The following CDH13 variants were observed in gnomAD, a reference collection of about 807,000 sequenced individuals.
The protein encoded by CDH13 is cadherin-13.
CDH13 carries 24 observed loss-of-function variants against 63.8 expected under a neutral mutation model. The ratio of observed to expected loss-of-function variants is 0.38; its 90% CI spans 0.27 to 0.53. CDH13 has a LOEUF of 0.53. Ranked by LOEUF, CDH13 falls within the 20% of genes least tolerant of loss-of-function variation. The probability of loss-of-function intolerance (pLI) is 0.85; values close to 1 mark genes in which losing one functional copy is unlikely to be tolerated. For synonymous variants in CDH13, 503 were observed against 355.3 expected (o/e 1.42, Z -4.67); for missense variants, 1,049 against 903.1 (o/e 1.16, Z -2.07).
chr16:83,705,291 G>C (rs1238677208), intron 10 of CDH13, among the ~76,000 whole-genome samples: 1 of 152,134 alleles, frequency 6.6e-6, no homozygotes, highest in Non-Finnish European at 1.5e-5. Context: ...AAACAAAGTA[G>C]ACAACCAAGC....
intron 11 of CDH13, among the ~76,000 whole-genome samples, chr16:83,779,406 C>CAAAA (rs144757645): frequency 1.7e-4 from 14 of 82,576 alleles, no homozygotes; most frequent in African/African-American, 3.4e-4. Flanking sequence ...GACTCCATCT[C>CAAAA]AAAAAAAAAA....
chr16:83,514,320 C>T (rs1340119809), intron 7 of CDH13, among the ~76,000 whole-genome samples: 1 of 152,184 alleles, frequency 6.6e-6, no homozygotes, highest in African/African-American at 2.4e-5. Context: ...AGGGTAGGCC[C>T]TACGTCCAGT....
intron 2 of CDH13, among the ~76,000 whole-genome samples, chr16:82,902,058 T>G (rs547159235): frequency 3.7e-4 from 56 of 152,352 alleles, no homozygotes; most frequent in African/African-American, 1.3e-3. Flanking sequence ...CAAGTCTGTC[T>G]CATTTCAAAA....
intron 1 of CDH13, chr16:82,825,027 T>C (rs548540610): frequency 7.8e-4 from 119 of 151,962 alleles, no homozygotes; most frequent in African/African-American, 2.7e-3. Context: ...AAGGGGTGAG[T>C]GGATGTGTGC....
At chr16:83,603,325 G>C (rs966297669) in intron 8 of CDH13, among the ~76,000 whole-genome samples, 3 of 152,206 alleles carry the variant, frequency 2.0e-5, no homozygotes, top group African/African-American at 7.2e-5. Flanking sequence ...GAAGAATATG[G>C]AATAGGTACG....
In CDH13 at chr16:83,108,119, C is replaced by T. The variant is rs564801458; in HGVS notation, c.367-17266C>T. Among the ~76,000 whole-genome samples the T allele has an allele frequency of 4.6e-5, 7 of 152,282 alleles. No homozygotes were observed. The South Asian group carries it at 1.4e-3, about 32-fold the overall frequency. ...TACAGACATGAGCCACCGCGCCCAG[C>T]CCCTCTTTTTCTTTTTATCTCTTTC... On this transcript the variant is annotated intron_variant, in intron 3 of 13. Transcript: ENST00000567109.
chr16:82,749,692 C>G (rs2034331666), intron 1 of CDH13, among the ~76,000 whole-genome samples: 1 of 152,196 alleles, frequency 6.6e-6, no homozygotes, highest in Non-Finnish European at 1.5e-5. Flanking sequence ...CCTCCTTAAA[C>G]TTAACGTATT....
chr16:82,770,588 A>G (rs138893371), intron 1 of CDH13, among the ~76,000 whole-genome samples: 6,587 of 152,326 alleles, frequency 0.043, 235 homozygotes, highest in South Asian at 0.14. Flanking sequence ...TTATATTGAC[A>G]TTCCATAGAC....
intron 2 of CDH13, among the ~76,000 whole-genome samples, chr16:82,937,529 C>G (rs898787034): frequency 6.6e-6 from 1 of 152,134 alleles, no homozygotes; most frequent in Admixed American, 6.6e-5. Flanking sequence ...AGATCTATTC[C>G]TAACCTTAAT....
intron 5 of CDH13, among the ~76,000 whole-genome samples, chr16:83,227,576 G>A (rs1278627509): frequency 5.3e-5 from 8 of 152,184 alleles, no homozygotes; most frequent in Admixed American, 5.2e-4. Flanking sequence ...ATTCTGGCCT[G>A]CCCACTGCTT....
At chr16:82,808,799 C>T (rs1281916343) in intron 1 of CDH13, among the ~76,000 whole-genome samples, 3 of 152,226 alleles carry the variant, frequency 2.0e-5, no homozygotes, top group African/African-American at 4.8e-5. Flanking sequence ...CCCAGTTATT[C>T]ATTTTAACTG....
At chr16:83,181,742 G>T (rs749114240) in intron 4 of CDH13, among the ~76,000 whole-genome samples, 4 of 152,086 alleles carry the variant, frequency 2.6e-5, no homozygotes, top group Non-Finnish European at 5.9e-5. Context: ...GGACTTGAGG[G>T]AGTCTCTGAA....
chr16:83,439,364 C>T (rs1227921124), intron 6 of CDH13, among the ~76,000 whole-genome samples: 1 of 152,134 alleles, frequency 6.6e-6, no homozygotes, highest in African/African-American at 2.4e-5. Flanking sequence ...TTGCTCATTG[C>T]AATGGGAGAG....
intron 10 of CDH13, among the ~76,000 whole-genome samples, chr16:83,681,930 G>A (rs1377303408): frequency 1.3e-5 from 2 of 152,158 alleles, no homozygotes; most frequent in South Asian, 2.1e-4. Context: ...GGCACTGGAA[G>A]AAGAAACTTA....
intron 2 of CDH13, among the ~76,000 whole-genome samples, chr16:82,929,915 A>G (rs746794025): frequency 9.9e-5 from 15 of 152,050 alleles, no homozygotes; most frequent in Non-Finnish European, 1.8e-4. Context: ...AACCAAACAC[A>G]TACACATAAC....
chr16:82,974,191 G>A (rs1056286869), intron 2 of CDH13, among the ~76,000 whole-genome samples: 2 of 152,240 alleles, frequency 1.3e-5, no homozygotes, highest in African/African-American at 4.8e-5. Flanking sequence ...CTCCCACCTC[G>A]GCCTCACAAA....
intron 10 of CDH13, among the ~76,000 whole-genome samples, chr16:83,700,075 C>A (rs947269533): frequency 2.6e-5 from 4 of 152,216 alleles, no homozygotes; most frequent in African/African-American, 9.6e-5. Flanking sequence ...ATCCTCCTTT[C>A]TGCCCCTCCT....
At chr16:83,119,902 A>G (rs1048375679) in intron 3 of CDH13, among the ~76,000 whole-genome samples, 8 of 152,246 alleles carry the variant, frequency 5.3e-5, no homozygotes, top group African/African-American at 1.7e-4. Context: ...ACTTATAGAT[A>G]TACACATAAA....
intron 8 of CDH13, among the ~76,000 whole-genome samples, chr16:83,636,714 T>C (rs1160224671): frequency 6.6e-6 from 1 of 152,160 alleles, no homozygotes; most frequent in Admixed American, 6.5e-5. Flanking sequence ...AGTGCTGCAA[T>C]GGATATATGG....
Sources: gnomAD v4.1 joint callset for allele counts (sites outside exome capture counted in the v4.1 genomes callset) on GRCh38, gnomAD v4.1.1 for gene constraint, MANE v1.5 for transcripts, NCBI Gene and HGNC (gene_info 2026-07-23, HGNC 2026-07-21) for gene names.